Variants in COL5A1 observed in about 807,000 individuals in gnomAD.
COL5A1 encodes the protein collagen type V alpha 1 chain, also known as collagen alpha-1(V) chain.
In COL5A1, 16 loss-of-function variants were observed where a neutral mutation model predicts 263.7. The observed-to-expected ratio is 0.06, with a 90% CI of 0.04 to 0.09. COL5A1 has a LOEUF of 0.09. Among genes scored for constraint, COL5A1 ranks in the 10% least tolerant of loss-of-function variants. The pLI is 1.00. For missense variants in COL5A1, 2,036 were observed against 2,540.5 expected (o/e 0.80, Z 4.27); for synonymous variants, 1,012 against 1,004.5 (o/e 1.01, Z -0.14).
In COL5A1 at chr9:134,818,647, G is replaced by C. The variant is rs570545638; in HGVS notation, c.4231-9G>C. On this transcript the variant is annotated splice_polypyrimidine_tract_variant and intron_variant, in intron 54 of 65. Transcript: ENST00000371817. This position sits in a 1 kb window ranked among gnomAD's most constrained non-coding sequence, Gnocchi z 6.0. ...TCCGGACCTCATTCTGCCCTCCGCC[G>C]TCCTGCAGGGAGAAGCCGGCTTGGA... 6.2e-7 allele frequency: 1 copy of C among 1,604,036 alleles called. No homozygotes were observed. The highest frequency in any genetic ancestry group is 1.3e-5 in the African/African-American group (1 of 74,680).
chr9:134,745,560 G>T (rs896072867), intron 11 of COL5A1, among the ~76,000 whole-genome samples: 1 of 152,130 alleles, frequency 6.6e-6, no homozygotes, highest in Non-Finnish European at 1.5e-5. Context: ...TGAGGGGTGC[G>T]GTCTGAGGCA....
At chr9:134,798,348 C>G (rs1837990586) in intron 36 of COL5A1, 60 bp from the exon 37 acceptor site, 2 of 1,516,056 alleles carry the variant, frequency 1.3e-6, no homozygotes, top group Non-Finnish European at 1.8e-6. Flanking sequence ...GGCATTAATT[C>G]TCAAAGGTGG....
chr9:134,795,611 C>T (rs949511414), intron 34 of COL5A1, among the ~76,000 whole-genome samples: 1 of 152,176 alleles, frequency 6.6e-6, no homozygotes, highest in Non-Finnish European at 1.5e-5. Flanking sequence ...GCCAGGCCCA[C>T]CGCAGACTCA....
chr9:134,738,476 C>T lies in COL5A1; in HGVS notation c.1392C>T (p.Gly464=). 6.2e-7 allele frequency: 1 copy of T among 1,614,068 alleles called. No individual in the cohort carries two copies. The highest frequency in any genetic ancestry group is 8.5e-7 in the Non-Finnish European group (1 of 1,180,034). ...QKGEPAIIEP[G]MLIEGPPGPE... ...ACGCCCTCTCTCTGTCTCCCCAGGG[C>T]ATGCTCATCGAGGGCCCGCCTGGCC... The change falls in exon 10 of 66, where the codon GGC becomes GGT. Residue 464 remains glycine (G), a splice_region_variant and synonymous_variant. Transcript: ENST00000371817.
chr9:134,757,999 G>T lies in COL5A1; in HGVS notation c.1882-244G>T, dbSNP rs530674406. Among the ~76,000 whole-genome samples the T allele has an allele frequency of 1.7e-4, 26 of 152,328 alleles. No homozygotes were observed. Among genetic ancestry groups the T allele is most frequent in the African/African-American group, 5.8e-4 (24 of 41,582 alleles). On this transcript the variant is annotated intron_variant, in intron 17 of 65. Transcript: ENST00000371817. This position sits in a 1 kb window ranked among gnomAD's most constrained non-coding sequence, Gnocchi z 6.2. ...ATGACTAAGGACCCGTCGGGGCCTG[G>T]GACTTGGGGATGAAAGTCATCTCCC...
chr9:134,670,877 G>A (rs764426498), intron 1 of COL5A1, among the ~76,000 whole-genome samples: 5 of 152,192 alleles, frequency 3.3e-5, no homozygotes, highest in Non-Finnish European at 7.3e-5. Context: ...CTGCTGACTT[G>A]CGGGTCTTCT....
intron 4 of COL5A1, among the ~76,000 whole-genome samples, chr9:134,715,953 G>T (rs1834245043): frequency 6.6e-6 from 1 of 150,668 alleles, no homozygotes; most frequent in African/African-American, 2.4e-5. Context: ...GCTGGTGATG[G>T]TAGTGATGAA....
Position 134,805,004 on chromosome 9 carries a change from G to A in COL5A1, c.3144G>A (p.Gly1048=). ...ACCCAGGCCCTGCAGGCCTCCCTGG[G>A]AAAGATGGCCCTCCAGGATTACGTG... ...KGDPGPAGLP[G]KDGPPGLRGF... The change falls in exon 40 of 66, where the codon GGG becomes GGA. Residue 1048 remains glycine, a synonymous_variant. Transcript: ENST00000371817. The A allele has an allele frequency of 1.2e-6, 2 of 1,613,898 alleles. No homozygotes were observed. The highest frequency in any genetic ancestry group is 1.7e-6 in the Non-Finnish European group (2 of 1,180,000).
intron 53 of COL5A1, 76 bp from the exon 54 acceptor site, chr9:134,817,702 G>A (rs993523122): frequency 1.1e-5 from 15 of 1,339,818 alleles, no homozygotes; most frequent in Non-Finnish European, 1.6e-5. Flanking sequence ...CACACACCCT[G>A]AGCGCCTGCA....
Position 134,703,587 on chromosome 9 carries a change from A to G in COL5A1, c.654+2254A>G, listed in dbSNP as rs376557942. Among the ~76,000 whole-genome samples the G allele has an allele frequency of 8.9e-4, 125 of 141,174 alleles. No individual in the cohort carries two copies. In the Middle Eastern group the frequency reaches 0.027, roughly 31 times the overall value. 92.6% of individuals were successfully genotyped at this position (141,174 alleles called of 152,430 possible). ...CCGCTGCCTGTTGTTCTGTGGGTCG[A>G]GGCCCTGCCTCTGGATGGGAGGCCA... On this transcript the variant is annotated intron_variant, in intron 4 of 65. Coordinates refer to ENST00000371817, the MANE Select transcript of COL5A1 (RefSeq NM_000093.5).
At position 134,814,031 on chromosome 9, in the gene COL5A1, C is replaced by G; in HGVS notation, c.3901C>G (p.Pro1301Ala). The G allele has an allele frequency of 6.4e-7, 1 of 1,550,740 alleles. No homozygotes were observed. The highest frequency in any genetic ancestry group is 8.7e-7 in the Non-Finnish European group (1 of 1,146,988). The change falls in exon 49 of 66, where the codon CCC becomes GCC. Residue 1301 changes from proline (P) to alanine (A), a missense_variant. Transcript: ENST00000371817. ...GCCTGGCCTTCCGGGAGAAGGCGGCCCCCCGGTGAGTGAGCGGGCGCTGCG... is the reference window on the plus strand; with the variant it reads ...GCCTGGCCTTCCGGGAGAAGGCGGCGCCCCGGTGAGTGAGCGGGCGCTGCG... ...GEPGLPGEGG[P>A]PGPKGERGEK... is the part of the protein sequence containing the mutation.
rs2132697931 is a variant in COL5A1, at chr9:134,757,812, G to A, written c.1882-431G>A. Among the ~76,000 whole-genome samples the A allele has an allele frequency of 6.6e-6, 1 of 152,276 alleles. No homozygotes were observed. The highest frequency in any genetic ancestry group is 2.4e-5 in the African/African-American group (1 of 41,562). Reference sequence around the variant, plus strand: ...AGCCAGTGCTGGCCCGTCCACCAATGGGTACGCGTACCTCCTGAGCGCGGG... The same window carrying A: ...AGCCAGTGCTGGCCCGTCCACCAATAGGTACGCGTACCTCCTGAGCGCGGG... On this transcript the variant is annotated intron_variant, in intron 17 of 65. Coordinates refer to ENST00000371817, the MANE Select transcript of COL5A1 (RefSeq NM_000093.5). This position sits in a 1 kb window ranked among gnomAD's most constrained non-coding sequence, Gnocchi z 6.2.
intron 32 of COL5A1, among the ~76,000 whole-genome samples, chr9:134,792,574 G>A (rs143056303): frequency 3.0e-4 from 46 of 152,112 alleles, no homozygotes; most frequent in Non-Finnish European, 5.6e-4. Context: ...CATGTTGACC[G>A]GGCCAGTTTC....
intron 11 of COL5A1, among the ~76,000 whole-genome samples, chr9:134,746,842 C>T (rs950791224): frequency 1.3e-5 from 2 of 152,238 alleles, no homozygotes; most frequent in Non-Finnish European, 2.9e-5. Context: ...AAGCAGCATC[C>T]GCATGACCTG....
intron 42 of COL5A1, among the ~76,000 whole-genome samples, chr9:134,807,945 C>T (rs1296555125): frequency 6.6e-6 from 1 of 152,178 alleles, no homozygotes; most frequent in African/African-American, 2.4e-5. Flanking sequence ...GCTCGTCATC[C>T]TCCCAGAATA....
chr9:134,724,766 G>A (rs1056124655), intron 4 of COL5A1, among the ~76,000 whole-genome samples: 1 of 152,314 alleles, frequency 6.6e-6, no homozygotes, highest in East Asian at 1.9e-4. Context: ...CTTCAAGGCG[G>A]AGACAAAGCT....
In COL5A1 at chr9:134,843,496, A is replaced by T. The variant is rs994568641; in HGVS notation, c.*1193A>T. 3.3e-5 allele frequency: 5 copies of T among 152,186 alleles called. No individual in the cohort carries two copies. The highest frequency in any genetic ancestry group is 7.4e-5 in the Non-Finnish European group (5 of 68,004). The allele number at this position is 152,186 out of a possible 1,614,324, so 9.4% of individuals were successfully genotyped here. On this transcript the variant is annotated 3_prime_UTR_variant, in exon 66 of 66. Coordinates refer to ENST00000371817, the MANE Select transcript of COL5A1 (RefSeq NM_000093.5). Reference sequence around the variant, plus strand: ...TTGCCTCCACAGTCTGTTGCCAAGGACTCTAAGATCAATGCACGTCACTTT... The same window carrying T: ...TTGCCTCCACAGTCTGTTGCCAAGGTCTCTAAGATCAATGCACGTCACTTT...
In COL5A1 at chr9:134,821,983, C is replaced by T; in HGVS notation, c.4555-114C>T. ...AGGAGGCTGCTGAGGGGCCAAAGGG[C>T]ATACCGTGGGGAAGGGACAGGGGAG... On this transcript the variant is annotated intron_variant, in intron 58 of 65. Transcript: ENST00000371817. The surrounding 1 kb of genome is among the most constrained non-coding windows in gnomAD (Gnocchi z 4.2). The T allele has an allele frequency of 2.2e-6, 2 of 909,344 alleles. No individual in the cohort carries two copies. The highest frequency in any genetic ancestry group is 1.7e-5 in the Admixed American group (1 of 58,354). The allele number at this position is 909,344 out of a possible 1,614,324, so 56.3% of individuals were successfully genotyped here. A position where few individuals can be genotyped will look rare whatever the true frequency, so the allele number is the denominator to read the frequency against.
In COL5A1 at chr9:134,825,776, C is replaced by T. The variant is rs112712705; in HGVS notation, c.4955-16C>T. 3.2e-3 allele frequency: 5,069 copies of T among 1,567,832 alleles called. 121 individuals carry two copies. In the African/African-American group the frequency reaches 0.054, roughly 17 times the overall value. ...TTCTGACTCTGCCTGCCTCCCTCCC[C>T]GTCTCTGAAATCCAGGTGAATACTG... On this transcript the variant is annotated splice_polypyrimidine_tract_variant and intron_variant, in intron 62 of 65. Transcript: ENST00000371817.
Sources: allele counts gnomAD v4.1 joint callset (sites outside exome capture counted in the v4.1 genomes callset), GRCh38; gene constraint gnomAD v4.1.1; non-coding constraint Gnocchi (gnomAD v3.1); transcripts MANE v1.5; gene names NCBI Gene and HGNC (gene_info 2026-07-23, HGNC 2026-07-21).